The following LPAR1 variants were observed in gnomAD, a reference collection of about 807,000 sequenced individuals.
The protein encoded by LPAR1 is LPA receptor 1.
A neutral mutation model predicts 23.8 loss-of-function variants in LPAR1; 5 were observed. That is an observed-to-expected ratio of 0.21 (90% confidence interval 0.11 to 0.44). The LOEUF (loss-of-function observed/expected upper bound fraction) is 0.44, where lower values mean the gene tolerates loss of function less well. LPAR1 is among the 20% of genes least tolerant of loss of function. The pLI is 0.99. For synonymous variants in LPAR1, 160 were observed against 164.7 expected, an observed-to-expected ratio of 0.97 and a Z score of 0.22; for missense variants, 311 against 482.8, an observed-to-expected ratio of 0.64 and a Z score of 3.33.
intron 5 of LPAR1, among the ~76,000 whole-genome samples, chr9:110,902,626 C>A (rs545570636): frequency 2.6e-5 from 4 of 152,182 alleles, no homozygotes; most frequent in Middle Eastern, 3.4e-3. Context: ...GACTAATACA[C>A]CTGCTGACCA....
chr9:110,951,794 A>T (rs1473900426), intron 4 of LPAR1, among the ~76,000 whole-genome samples: 7 of 152,214 alleles, frequency 4.6e-5, no homozygotes, highest in African/African-American at 1.4e-4. Flanking sequence ...ACATGTGCCT[A>T]ACGAGAGACA....
intron 1 of LPAR1, among the ~76,000 whole-genome samples, chr9:111,037,358 C>T (rs979030047): frequency 2.6e-5 from 4 of 152,144 alleles, no homozygotes; most frequent in South Asian, 2.1e-4. Context: ...AGAGCAGAAG[C>T]GGAGAGCCAC....
intron 5 of LPAR1, among the ~76,000 whole-genome samples, chr9:110,895,441 C>T (rs963195196): frequency 1.3e-5 from 2 of 152,218 alleles, no homozygotes; most frequent in African/African-American, 4.8e-5. Context: ...CAGCACGGGG[C>T]CCCCTAGTCA....
intron 2 of LPAR1, among the ~76,000 whole-genome samples, chr9:111,004,855 C>CTATT (rs2097185739): frequency 6.6e-6 from 1 of 152,180 alleles, no homozygotes; most frequent in South Asian, 2.1e-4. Context: ...AACATTCCAA[C>CTATT]TTAATAGATT....
At chr9:110,958,872 A>G (rs2095849695) in intron 4 of LPAR1, among the ~76,000 whole-genome samples, 1 of 151,456 alleles carries the variant, frequency 6.6e-6, no homozygotes, top group Non-Finnish European at 1.5e-5. Flanking sequence ...AAAAAAAAAA[A>G]GCAAATAATC....
At chr9:111,009,649 T>G (rs142663581) in intron 2 of LPAR1, among the ~76,000 whole-genome samples, 1 of 152,006 alleles carries the variant, frequency 6.6e-6, no homozygotes. Context: ...GAATCACTTT[T>G]ATAGTAAAAA....
At chr9:110,922,519 A>G (rs926571053) in intron 5 of LPAR1, among the ~76,000 whole-genome samples, 3 of 152,224 alleles carry the variant, frequency 2.0e-5, no homozygotes, top group Admixed American at 2.0e-4. Flanking sequence ...GGATTAGATA[A>G]AAATGATAAT....
At chr9:111,025,965 G>A (rs2097683206) in intron 2 of LPAR1, among the ~76,000 whole-genome samples, 1 of 152,122 alleles carries the variant, frequency 6.6e-6, no homozygotes, top group Non-Finnish European at 1.5e-5. Context: ...GTAGTGTGAT[G>A]CCTCCAGCTT....
intron 5 of LPAR1, among the ~76,000 whole-genome samples, chr9:110,897,192 T>C (rs2086708878): frequency 6.6e-6 from 1 of 152,198 alleles, no homozygotes; most frequent in Non-Finnish European, 1.5e-5. Flanking sequence ...AATTCCCATG[T>C]GTTGCGGAAG....
chr9:111,014,874 T>TC (rs1378405943), intron 2 of LPAR1, among the ~76,000 whole-genome samples: 1 of 151,846 alleles, frequency 6.6e-6, no homozygotes, highest in Admixed American at 6.6e-5. Context: ...CTAAACTGTG[T>TC]CCCCCCGAGA....
intron 2 of LPAR1, among the ~76,000 whole-genome samples, chr9:110,996,359 C>T (rs2097004370): frequency 1.3e-5 from 2 of 151,962 alleles, no homozygotes; most frequent in Non-Finnish European, 2.9e-5. Flanking sequence ...GGGTTCGAGA[C>T]CAGCCTGGCC....
At chr9:110,939,419 G>A (rs930104532) in intron 5 of LPAR1, among the ~76,000 whole-genome samples, 3 of 152,106 alleles carry the variant, frequency 2.0e-5, no homozygotes, top group Non-Finnish European at 4.4e-5. Flanking sequence ...GGTTTTCCAT[G>A]TTCTGAAAGT....
At chr9:110,920,807 T>C (rs2135114514) in intron 5 of LPAR1, among the ~76,000 whole-genome samples, 1 of 152,278 alleles carries the variant, frequency 6.6e-6, no homozygotes, top group South Asian at 2.1e-4. Flanking sequence ...ATAATATGTC[T>C]ACAAAGATAT....
chr9:110,981,748 A>G lies in LPAR1; in HGVS notation c.-181-8190T>C, dbSNP rs147390303. On this transcript the variant is annotated intron_variant, in intron 2 of 5. Coordinates refer to ENST00000683809, the MANE Select transcript of LPAR1 (RefSeq NM_001351411.2). ...TTACTAGATTAATTAGAAATTATGG[A>G]CATACAGAATCTACAAATAAACAAA... Among the ~76,000 whole-genome samples the G allele has an allele frequency of 4.5e-4, 69 of 152,268 alleles. No individual in the cohort carries two copies. In the East Asian group the frequency reaches 0.013, roughly 29 times the overall value.
chr9:110,901,734 C>G (rs1175433050), intron 5 of LPAR1, among the ~76,000 whole-genome samples: 1 of 151,918 alleles, frequency 6.6e-6, no homozygotes, highest in Non-Finnish European at 1.5e-5. Flanking sequence ...AACCATATCA[C>G]AGCATGATTA....
chr9:110,973,164 A>G (rs1191649593), intron 3 of LPAR1, among the ~76,000 whole-genome samples: 1 of 152,154 alleles, frequency 6.6e-6, no homozygotes, highest in Admixed American at 6.5e-5. Context: ...GAAATTTTTC[A>G]TTTAATATTT....
chr9:110,968,777 A>G (rs990751677), intron 4 of LPAR1, among the ~76,000 whole-genome samples: 2 of 152,198 alleles, frequency 1.3e-5, no homozygotes, highest in African/African-American at 4.8e-5. Flanking sequence ...CTGAGCAATA[A>G]TAACAATGCT....
At chr9:111,001,649 C>T (rs1193641690) in intron 2 of LPAR1, among the ~76,000 whole-genome samples, 1 of 152,204 alleles carries the variant, frequency 6.6e-6, no homozygotes, top group Non-Finnish European at 1.5e-5. Flanking sequence ...CAGCATCATG[C>T]TGGTCTCTTA....
intron 5 of LPAR1, among the ~76,000 whole-genome samples, chr9:110,939,867 A>G (rs1326941095): frequency 1.3e-5 from 2 of 152,252 alleles, no homozygotes; most frequent in East Asian, 3.8e-4. Flanking sequence ...CATTTAGGTC[A>G]TCAGCAAATA....
Sources: gnomAD v4.1 joint callset for allele counts (sites outside exome capture counted in the v4.1 genomes callset) on GRCh38, gnomAD v4.1.1 for gene constraint, MANE v1.5 for transcripts, NCBI Gene and HGNC (gene_info 2026-07-23, HGNC 2026-07-21) for gene names.